Variants in CACNB2 observed in about 807,000 individuals in gnomAD.
CACNB2 encodes the protein calcium voltage-gated channel auxiliary subunit beta 2, also known as voltage-dependent L-type calcium channel subunit beta-2.
CACNB2 carries 42 observed loss-of-function variants against 73.3 expected under a neutral mutation model. That is an observed-to-expected ratio of 0.57 (90% CI 0.45 to 0.74). The LOEUF (loss-of-function observed/expected upper bound fraction) is 0.74, where lower values mean the gene tolerates loss of function less well. Ranked by LOEUF, CACNB2 falls within the 30% of genes least tolerant of loss-of-function variation. The pLI, the probability that CACNB2 is intolerant of heterozygous loss-of-function variation, is 0.00. For synonymous variants in CACNB2, 348 were observed against 310.3 expected (o/e 1.12, Z -1.28); for missense variants, 940 against 853.0 (o/e 1.10, Z -1.27).
At chr10:18,372,346 G>A (rs946347972) in intron 2 of CACNB2, among the ~76,000 whole-genome samples, 1 of 152,050 alleles carries the variant, frequency 6.6e-6, no homozygotes, top group Non-Finnish European at 1.5e-5. Flanking sequence ...GGTCTAACAT[G>A]TAAGTTTTTA....
intron 1 of CACNB2, among the ~76,000 whole-genome samples, chr10:18,142,801 A>C: frequency 6.6e-6 from 1 of 152,354 alleles, no homozygotes; most frequent in Middle Eastern, 3.4e-3. Context: ...TTCTGCCTTC[A>C]AAGAATTTAT....
intron 3 of CACNB2, among the ~76,000 whole-genome samples, chr10:18,480,758 C>A (rs1216044246): frequency 6.6e-6 from 1 of 152,108 alleles, no homozygotes; most frequent in Non-Finnish European, 1.5e-5. Context: ...GAATTTATCC[C>A]CTGCTGGTGG....
At chr10:18,283,181 AG>A (rs752994076) in intron 2 of CACNB2, among the ~76,000 whole-genome samples, 14 of 152,212 alleles carry the variant, frequency 9.2e-5, no homozygotes, top group Non-Finnish European at 1.9e-4. Flanking sequence ...CAGGTGCTAG[AG>A]AGGATGTGGA....
intron 3 of CACNB2, among the ~76,000 whole-genome samples, chr10:18,423,586 T>C (rs1480988762): frequency 1.3e-5 from 2 of 152,216 alleles, no homozygotes; most frequent in African/African-American, 4.8e-5. Flanking sequence ...ATTAACTCTA[T>C]ATATTAAAAT....
intron 2 of CACNB2, among the ~76,000 whole-genome samples, chr10:18,314,831 T>C (rs2040099102): frequency 6.6e-6 from 1 of 152,220 alleles, no homozygotes; most frequent in South Asian, 2.1e-4. Context: ...TACTTCATCC[T>C]GAAAACCTCT....
intron 2 of CACNB2, among the ~76,000 whole-genome samples, chr10:18,255,999 T>C (rs570815033): frequency 6.6e-6 from 1 of 152,208 alleles, no homozygotes; most frequent in South Asian, 2.1e-4. Flanking sequence ...AGAAAGTGAA[T>C]AGTAAAGAAA....
intron 2 of CACNB2, among the ~76,000 whole-genome samples, chr10:18,296,057 A>AT (rs1338011137): frequency 1.0e-5 from 1 of 99,154 alleles, no homozygotes; most frequent in East Asian, 2.8e-4. Context: ...GTCTTGATGA[A>AT]TTTTTTTCAA....
intron 3 of CACNB2, among the ~76,000 whole-genome samples, chr10:18,418,273 C>T (rs1018535226): frequency 6.6e-6 from 1 of 152,152 alleles, no homozygotes; most frequent in Non-Finnish European, 1.5e-5. Flanking sequence ...TGGGGTTTCA[C>T]GATATTAGCC....
At chr10:18,491,437 A>T (rs2049417971) in intron 3 of CACNB2, among the ~76,000 whole-genome samples, 1 of 152,074 alleles carries the variant, frequency 6.6e-6, no homozygotes, top group South Asian at 2.1e-4. Context: ...TAAAAATAAA[A>T]ATTAGCTGGG....
intron 2 of CACNB2, among the ~76,000 whole-genome samples, chr10:18,314,505 G>A (rs1282530039): frequency 6.7e-6 from 1 of 150,084 alleles, no homozygotes; most frequent in Non-Finnish European, 1.5e-5. Flanking sequence ...CTTCAAGTCT[G>A]AAAAATTATT....
chr10:18,397,705 A>G (rs2043784425), intron 2 of CACNB2, among the ~76,000 whole-genome samples: 1 of 142,410 alleles, frequency 7.0e-6, no homozygotes, highest in Non-Finnish European at 1.5e-5. Flanking sequence ...GCAGAGCAAA[A>G]GCGAGACTCC....
chr10:18,228,433 C>CAAAAAAAA (rs1164745930), intron 2 of CACNB2, among the ~76,000 whole-genome samples: 2,772 of 34,350 alleles, frequency 0.081, 289 homozygotes, highest in African/African-American at 0.12. Context: ...AACTCTACCT[C>CAAAAAAAA]AAAAAAAAAA....
intron 2 of CACNB2, among the ~76,000 whole-genome samples, chr10:18,289,389 G>T (rs1289421804): frequency 6.7e-6 from 1 of 148,202 alleles, no homozygotes; most frequent in East Asian, 2.0e-4. Context: ...CCGCCTCCCG[G>T]GTTCATGCCA....
intron 2 of CACNB2, among the ~76,000 whole-genome samples, chr10:18,213,849 A>G (rs73595543): frequency 0.075 from 11,440 of 152,288 alleles, 1,286 homozygotes; most frequent in African/African-American, 0.25. Context: ...AGTTATTCAC[A>G]TAACTGAATT....
At chr10:18,406,218 T>G (rs1433972652) in intron 3 of CACNB2, among the ~76,000 whole-genome samples, 1 of 151,990 alleles carries the variant, frequency 6.6e-6, no homozygotes, top group East Asian at 1.9e-4. Context: ...ATACAATAGG[T>G]TGTGGGGAAG....
intron 3 of CACNB2, among the ~76,000 whole-genome samples, chr10:18,428,927 C>T (rs139146348): frequency 1.9e-3 from 295 of 152,248 alleles, no homozygotes; most frequent in African/African-American, 6.8e-3. Context: ...TTTTCTTAAC[C>T]TTACACACCA....
chr10:18,243,824 C>G (rs1177626509), intron 2 of CACNB2, among the ~76,000 whole-genome samples: 2 of 152,180 alleles, frequency 1.3e-5, no homozygotes, highest in Admixed American at 6.5e-5. Context: ...GACTTTCCAA[C>G]CACCAGAATC....
Position 18,439,582 on chromosome 10 carries a change from A to G in CACNB2, c.333+37539A>G, listed in dbSNP as rs145395700. ...TTCTGAATTGCTTTCCTCTGGAGAC[A>G]TTAATTTCCCCACCTCCCGCTATCA... is the stretch of plus-strand genomic sequence containing the variant. On this transcript the variant is annotated intron_variant, in intron 3 of 13. Coordinates refer to ENST00000324631, the MANE Select transcript of CACNB2 (RefSeq NM_201596.3). Among the ~76,000 whole-genome samples the G allele has an allele frequency of 1.3e-3, 197 of 152,338 alleles. 1 individual carries two copies. Among genetic ancestry groups the G allele is most frequent in the African/African-American group, 4.6e-3 (191 of 41,584 alleles).
At chr10:18,491,631 T>C (rs1433033043) in intron 3 of CACNB2, among the ~76,000 whole-genome samples, 1 of 151,984 alleles carries the variant, frequency 6.6e-6, no homozygotes, top group African/African-American at 2.4e-5. Flanking sequence ...GTAACTTTTG[T>C]AGTTCGAACA....
Sources: gnomAD v4.1 joint callset for allele counts (sites outside exome capture counted in the v4.1 genomes callset) on GRCh38, gnomAD v4.1.1 for gene constraint, MANE v1.5 for transcripts, NCBI Gene and HGNC (gene_info 2026-07-23, HGNC 2026-07-21) for gene names.